Variants in DHRS9 observed in about 807,000 individuals in gnomAD.
DHRS9 encodes dehydrogenase/reductase SDR family member 9.
Under a neutral mutation model 26.6 loss-of-function variants are expected in DHRS9, and 18 were observed. That is an observed-to-expected ratio of 0.68 (90% CI 0.47 to 1.00). DHRS9 has a LOEUF of 1.00. DHRS9 is among the 50% of genes least tolerant of loss of function. The pLI is 0.00. For missense variants in DHRS9, 425 were observed against 378.7 expected (o/e 1.12, Z -1.01); for synonymous variants, 134 against 141.1 (o/e 0.95, Z 0.36).
intron 1 of DHRS9, among the ~76,000 whole-genome samples, chr2:169,079,467 T>C (rs779060417): frequency 2.0e-5 from 3 of 152,066 alleles, no homozygotes; most frequent in Non-Finnish European, 2.9e-5. Context: ...TTTTTCTATG[T>C]TTTTTCTTGA....
chr2:169,072,035 A>T (rs1331576578), intron 1 of DHRS9, among the ~76,000 whole-genome samples: 2 of 151,856 alleles, frequency 1.3e-5, no homozygotes, highest in African/African-American at 4.8e-5. Context: ...AAACAAAACA[A>T]AACAAAAACC....
Position 169,083,280 on chromosome 2 carries a change from C to A in DHRS9, c.314-49C>A, listed in dbSNP as rs765769519. ...GGGGCTGTATTTTCATCAAAGGTGG[C>A]AAATAAGTACTGTCTTACCACACCT... On this transcript the variant is annotated intron_variant, in intron 2 of 4. Transcript: ENST00000674881. 3.8e-6 allele frequency: 6 copies of A among 1,583,768 alleles called. No individual in the cohort carries two copies. The South Asian group carries it at 6.7e-5, about 18-fold the overall frequency.
intron 1 of DHRS9, among the ~76,000 whole-genome samples, chr2:169,079,983 GAGAA>G (rs1279888912): frequency 0.08 from 3,744 of 46,734 alleles, 181 homozygotes; most frequent in Middle Eastern, 0.18. Context: ...GAGAGAGAGA[GAGAA>G]AGAAAGAAAG....
chr2:169,077,558 T>C (rs1683999483), intron 1 of DHRS9, among the ~76,000 whole-genome samples: 1 of 152,134 alleles, frequency 6.6e-6, no homozygotes, highest in Non-Finnish European at 1.5e-5. Flanking sequence ...CTGCGGTTTG[T>C]TGTTTCTTCC....
intron 1 of DHRS9, among the ~76,000 whole-genome samples, chr2:169,080,571 T>C (rs1328800478): frequency 1.3e-5 from 2 of 152,204 alleles, no homozygotes; most frequent in East Asian, 1.9e-4. Context: ...GAGTAATATA[T>C]GCTGAGGGGA....
upstream of DHRS9, among the ~76,000 whole-genome samples, chr2:169,068,163 G>A (rs991613830): frequency 6.6e-6 from 1 of 152,166 alleles, no homozygotes; most frequent in African/African-American, 2.4e-5. Flanking sequence ...GAAGGGTTCA[G>A]TATTAATTAT....
chr2:169,087,818 C>G (rs1684399968), intron 3 of DHRS9, among the ~76,000 whole-genome samples: 1 of 152,158 alleles, frequency 6.6e-6, no homozygotes, highest in South Asian at 2.1e-4. Context: ...GGCCTCAGGA[C>G]TCTACCTGGT....
chr2:169,069,687 A>G lies in DHRS9; in HGVS notation c.-90A>G. ...CCATCAGCTGAGCAAGTCCACCAAC[A>G]GTTTCTGTGTCCCACTTCATCTTTA... On this transcript the variant is annotated 5_prime_UTR_variant, in exon 1 of 5. Transcript: ENST00000674881. 1 of 985,460 alleles carries G rather than the reference A, an allele frequency of 1.0e-6. No homozygotes were observed. Among genetic ancestry groups the G allele is most frequent in the Non-Finnish European group, 1.2e-6 (1 of 829,940 alleles). The allele number at this position is 985,460 out of a possible 1,614,324, so 61.0% of individuals were successfully genotyped here. A position where few individuals can be genotyped will look rare whatever the true frequency, so the allele number is the denominator to read the frequency against.
At chr2:169,092,432 C>A (rs1173515490) in intron 4 of DHRS9, among the ~76,000 whole-genome samples, 1 of 152,162 alleles carries the variant, frequency 6.6e-6, no homozygotes, top group East Asian at 1.9e-4. Context: ...AGTTTACAAC[C>A]TAGTTGACAA....
At chr2:169,071,538 G>C (rs1447709223) in intron 1 of DHRS9, among the ~76,000 whole-genome samples, 2 of 152,182 alleles carry the variant, frequency 1.3e-5, no homozygotes, top group East Asian at 3.9e-4. Context: ...AGGGAGGGAA[G>C]CTACATCCTG....
chr2:169,081,261 G>A, intron 1 of DHRS9: 2 of 842,414 alleles, frequency 2.4e-6, no homozygotes, highest in Middle Eastern at 4.5e-4. Flanking sequence ...AATGGCTTGT[G>A]TCAATTTTGC....
chr2:169,084,464 A>G (rs1429550347), intron 3 of DHRS9, among the ~76,000 whole-genome samples: 1 of 152,190 alleles, frequency 6.6e-6, no homozygotes, highest in Non-Finnish European at 1.5e-5. Flanking sequence ...CCAATAGTGT[A>G]CGAGGATTCC....
At chr2:169,073,383 G>A (rs897110138) in intron 1 of DHRS9, among the ~76,000 whole-genome samples, 3 of 152,222 alleles carry the variant, frequency 2.0e-5, no homozygotes, top group African/African-American at 4.8e-5. Flanking sequence ...AATATTTATA[G>A]ATCCTAGGAA....
At chr2:169,092,492 A>G (rs1332558136) in intron 4 of DHRS9, among the ~76,000 whole-genome samples, 2 of 152,234 alleles carry the variant, frequency 1.3e-5, no homozygotes, top group African/African-American at 4.8e-5. Flanking sequence ...TGTAGCACAC[A>G]ATAAAATTAA....
At chr2:169,083,269 A>G in intron 2 of DHRS9, 60 bp from the exon 3 acceptor site, 30 of 1,575,576 alleles carry the variant, frequency 1.9e-5, no homozygotes, top group Non-Finnish European at 2.5e-5. Flanking sequence ...CTGTATTTTC[A>G]TCAAAGGTGG....
At chr2:169,074,657 A>G (rs1460708582) in intron 1 of DHRS9, among the ~76,000 whole-genome samples, 3 of 152,210 alleles carry the variant, frequency 2.0e-5, no homozygotes, top group African/African-American at 7.2e-5. Context: ...GCTCTGACCC[A>G]GGTTGCTGCT....
intron 1 of DHRS9, among the ~76,000 whole-genome samples, chr2:169,076,433 A>G (rs1683964422): frequency 6.6e-6 from 1 of 152,188 alleles, no homozygotes; most frequent in Non-Finnish European, 1.5e-5. Context: ...AATGTTTAGA[A>G]ATTGGTTTCT....
chr2:169,071,605 G>A (rs1574017918), intron 1 of DHRS9, among the ~76,000 whole-genome samples: 1 of 152,230 alleles, frequency 6.6e-6, no homozygotes, highest in East Asian at 1.9e-4. Flanking sequence ...ATGCCTCGCT[G>A]TCCCAGTACC....
Position 169,069,643 on chromosome 2 carries a change from G to A in DHRS9, c.-134G>A, listed in dbSNP as rs777923348. The A allele has an allele frequency of 2.0e-4, 198 of 985,280 alleles. No individual in the cohort carries two copies. The highest frequency in any genetic ancestry group is 2.2e-4 in the Non-Finnish European group (183 of 829,958). 61.0% of individuals were successfully genotyped at this position (985,280 alleles called of 1,614,324 possible). Reference sequence around the variant, plus strand: ...AGGGTGGCACAACTCTTCCTTCCCCGTGCACAGCAGGAAAGCTGCCATCAG... The same window carrying A: ...AGGGTGGCACAACTCTTCCTTCCCCATGCACAGCAGGAAAGCTGCCATCAG... On this transcript the variant is annotated 5_prime_UTR_variant, in exon 1 of 5. In the 5' UTR this introduces an upstream ATG that the reference lacks. Transcript: ENST00000674881.
Sources: gnomAD v4.1 joint callset for allele counts (sites outside exome capture counted in the v4.1 genomes callset) on GRCh38, gnomAD v4.1.1 for gene constraint, MANE v1.5 for transcripts, NCBI Gene and HGNC (gene_info 2026-07-23, HGNC 2026-07-21) for gene names.